CSMD1: variants seen among roughly 807,000 people sequenced by gnomAD.
CSMD1 encodes the protein CUB and Sushi multiple domains 1, also known as CUB and sushi domain-containing protein 1.
In CSMD1, 213 loss-of-function variants were observed where a neutral mutation model predicts 417.5. That is an observed-to-expected ratio of 0.51 (90% confidence interval 0.46 to 0.57). The LOEUF is 0.57. Ranked by LOEUF, CSMD1 falls within the 20% of genes least tolerant of loss-of-function variation. CSMD1 has a pLI of 0.00. For missense variants in CSMD1, 6,923 were observed against 4,529.7 expected (o/e 1.53, Z -15.17); for synonymous variants, 2,862 against 1,736.8 (o/e 1.65, Z -16.11).
chr8:4,547,126 G>C (rs1797673430), intron 2 of CSMD1, among the ~76,000 whole-genome samples: 1 of 152,120 alleles, frequency 6.6e-6, no homozygotes, highest in Non-Finnish European at 1.5e-5. Flanking sequence ...CCCCAGACCT[G>C]TTTCTAAATT....
At chr8:3,442,004 C>G (rs546834792) in intron 12 of CSMD1, among the ~76,000 whole-genome samples, 8 of 151,300 alleles carry the variant, frequency 5.3e-5, no homozygotes, top group Non-Finnish European at 1.2e-4. Context: ...AGTGTGTAGG[C>G]CTAAGCTATG....
intron 3 of CSMD1, among the ~76,000 whole-genome samples, chr8:4,107,765 C>A (rs1420697436): frequency 6.6e-6 from 1 of 152,180 alleles, no homozygotes; most frequent in Non-Finnish European, 1.5e-5. Flanking sequence ...CACATGACTG[C>A]ACGAGGCTGT....
intron 2 of CSMD1, among the ~76,000 whole-genome samples, chr8:4,421,005 A>G (rs1159098076): frequency 6.6e-6 from 1 of 152,138 alleles, no homozygotes; most frequent in East Asian, 1.9e-4. Flanking sequence ...AAACTGCAGT[A>G]TCTGCTGTCT....
At chr8:2,952,615 C>G (rs1433063431) in intron 65 of CSMD1, among the ~76,000 whole-genome samples, 3 of 152,174 alleles carry the variant, frequency 2.0e-5, no homozygotes, top group Non-Finnish European at 4.4e-5. Context: ...CAGAGGCCCC[C>G]ATTTTAATCA....
intron 5 of CSMD1, among the ~76,000 whole-genome samples, chr8:3,824,947 T>C (rs562708404): frequency 6.6e-6 from 1 of 151,254 alleles, no homozygotes; most frequent in Non-Finnish European, 1.5e-5. Context: ...CAATGATTAA[T>C]CTGATTTTTT....
intron 2 of CSMD1, among the ~76,000 whole-genome samples, chr8:4,512,747 A>C (rs1386120271): frequency 6.6e-6 from 1 of 151,952 alleles, no homozygotes; most frequent in Non-Finnish European, 1.5e-5. Context: ...TACAAAATGT[A>C]TATGAAGAAC....
chr8:3,523,181 G>C (rs1797585860), intron 10 of CSMD1, among the ~76,000 whole-genome samples: 1 of 152,032 alleles, frequency 6.6e-6, no homozygotes, highest in Non-Finnish European at 1.5e-5. Flanking sequence ...TGGGCTACTT[G>C]GAATCAAATA....
chr8:3,520,125 G>A (rs771468008), intron 10 of CSMD1, among the ~76,000 whole-genome samples: 1 of 151,460 alleles, frequency 6.6e-6, no homozygotes, highest in Non-Finnish European at 1.5e-5. Flanking sequence ...CAGGCACAGA[G>A]AAATAATTTA....
rs1219537787 is a variant in CSMD1, at chr8:3,948,716, A to C, written c.818+49187T>G. Among the ~76,000 whole-genome samples the C allele has an allele frequency of 2.6e-5, 4 of 152,180 alleles. No individual in the cohort carries two copies. The South Asian group carries it at 6.2e-4, about 24-fold the overall frequency. On this transcript the variant is annotated intron_variant, in intron 5 of 69. Transcript: ENST00000635120. ...CACCAACTTAATAATGAATAAAACC[A>C]ACAATCAATAATACAGTGACTTAAT...
intron 3 of CSMD1, among the ~76,000 whole-genome samples, chr8:4,242,318 A>G (rs1176106136): frequency 6.6e-6 from 1 of 152,162 alleles, no homozygotes; most frequent in East Asian, 1.9e-4. Context: ...TGTAATTACA[A>G]GTGATTAGTA....
intron 1 of CSMD1, among the ~76,000 whole-genome samples, chr8:4,645,443 G>GAAAAAAAAA (rs1803457663): frequency 2.5e-4 from 3 of 12,048 alleles, no homozygotes; most frequent in African/African-American, 3.3e-4. Flanking sequence ...TAGTGCAGGG[G>GAAAAAAAAA]CAAAAAAAAA....
intron 11 of CSMD1, among the ~76,000 whole-genome samples, chr8:3,475,233 C>T (rs1185028298): frequency 6.6e-6 from 1 of 152,170 alleles, no homozygotes; most frequent in Admixed American, 6.5e-5. Context: ...TCACGCAATT[C>T]AGTTTCACAG....
intron 5 of CSMD1, among the ~76,000 whole-genome samples, chr8:3,826,551 A>T (rs1243505389): frequency 6.6e-6 from 1 of 152,196 alleles, no homozygotes; most frequent in East Asian, 1.9e-4. Context: ...CCCGGCTGAT[A>T]TGAGCGCCTC....
intron 39 of CSMD1, among the ~76,000 whole-genome samples, chr8:3,155,205 T>A (rs76340811): frequency 6.6e-6 from 1 of 151,950 alleles, no homozygotes; most frequent in African/African-American, 2.4e-5. Flanking sequence ...ATTGATTTCA[T>A]TGTGAAGTTT....
intron 1 of CSMD1, among the ~76,000 whole-genome samples, chr8:4,865,468 T>C (rs549016170): frequency 6.6e-6 from 1 of 152,030 alleles, no homozygotes; most frequent in South Asian, 2.1e-4. Flanking sequence ...TTGAGTAATA[T>C]ATACACAGCT....
chr8:3,005,063 C>T (rs1459834947), intron 52 of CSMD1, among the ~76,000 whole-genome samples: 5 of 152,210 alleles, frequency 3.3e-5, no homozygotes, highest in East Asian at 1.9e-4. Flanking sequence ...TGCTTGAACC[C>T]GGGAGGCAGA....
chr8:3,205,645 T>G, intron 30 of CSMD1, 25 bp from the exon 31 acceptor site: 1 of 1,201,082 alleles, frequency 8.3e-7, no homozygotes, highest in Non-Finnish European at 1.2e-6. Context: ...AACCGAGAAT[T>G]AGTCGCTGTG....
chr8:3,649,408 C>T (rs756036301), intron 7 of CSMD1, among the ~76,000 whole-genome samples: 10 of 152,192 alleles, frequency 6.6e-5, no homozygotes, highest in Admixed American at 6.5e-4. Context: ...TTTCACACTG[C>T]TATAAATAAC....
chr8:4,975,665 G>T (rs967725597), intron 1 of CSMD1, among the ~76,000 whole-genome samples: 5 of 152,156 alleles, frequency 3.3e-5, no homozygotes, highest in Admixed American at 3.3e-4. Flanking sequence ...TGAGGTAACG[G>T]TAATTCAAGA....
Sources: allele counts gnomAD v4.1 joint callset (sites outside exome capture counted in the v4.1 genomes callset), GRCh38; gene constraint gnomAD v4.1.1; transcripts MANE v1.5; gene names NCBI Gene and HGNC (gene_info 2026-07-23, HGNC 2026-07-21).